CDK6: variants seen among roughly 807,000 people sequenced by gnomAD.
The protein encoded by CDK6 is cyclin dependent kinase 6.
A neutral mutation model predicts 37.1 loss-of-function variants in CDK6; 6 were observed. The observed-to-expected ratio is 0.16, with a 90% CI of 0.09 to 0.32. The LOEUF is 0.32. CDK6 is among the 10% of genes least tolerant of loss of function. The probability of loss-of-function intolerance (pLI) is 1.00; values close to 1 mark genes in which losing one functional copy is unlikely to be tolerated. For missense variants in CDK6, 224 were observed against 418.9 expected (o/e 0.53, Z 4.06); for synonymous variants, 160 against 161.3 (o/e 0.99, Z 0.06).
rs898787584 is a variant in CDK6, at chr7:92,834,630, T to C, written c.-367-940A>G. On this transcript the variant is annotated intron_variant, in intron 1 of 7. Transcript: ENST00000424848. The surrounding 1 kb of genome is among the most constrained non-coding windows in gnomAD (Gnocchi z 4.6). Reference sequence around the variant, plus strand: ...AGCATAATCGCGCCTCGTCCTTAAGTTTTAAACTGATTTCGACCTGAGCAA... The same window carrying C: ...AGCATAATCGCGCCTCGTCCTTAAGCTTTAAACTGATTTCGACCTGAGCAA... Among the ~76,000 whole-genome samples, 2 of 140,784 alleles carry C rather than the reference T, an allele frequency of 1.4e-5. No homozygotes were observed. Among genetic ancestry groups the C allele is most frequent in the African/African-American group, 2.7e-5 (1 of 37,682 alleles). 92.4% of individuals were successfully genotyped at this position (140,784 alleles called of 152,430 possible).
chr7:92,638,678 G>A (rs758022175), intron 5 of CDK6, among the ~76,000 whole-genome samples: 1 of 152,132 alleles, frequency 6.6e-6, no homozygotes, highest in Non-Finnish European at 1.5e-5. Context: ...TGGGTTCCTT[G>A]AATGCCTTGA....
rs1015411918 is a variant in CDK6, at chr7:92,726,247, T to C, written c.370-454A>G. Among the ~76,000 whole-genome samples the C allele has an allele frequency of 6.0e-4, 92 of 152,178 alleles. 1 individual carries two copies. The highest frequency in any genetic ancestry group is 2.6e-4 in the Admixed American group (4 of 15,274). On this transcript the variant is annotated intron_variant, in intron 3 of 7. Coordinates refer to ENST00000424848, the MANE Select transcript of CDK6 (RefSeq NM_001145306.2). ...AGCACCTAGTACTAAACACTCACTATATATCAAGCACTATTCTAAGCATTG... is the reference window on the plus strand; with the variant it reads ...AGCACCTAGTACTAAACACTCACTACATATCAAGCACTATTCTAAGCATTG...
intron 3 of CDK6, among the ~76,000 whole-genome samples, chr7:92,767,212 T>C (rs1192713745): frequency 1.3e-5 from 2 of 152,228 alleles, no homozygotes; most frequent in South Asian, 4.1e-4. Context: ...CTGTCCTCTT[T>C]CTCTTCTGAT....
intron 2 of CDK6, among the ~76,000 whole-genome samples, chr7:92,798,528 G>A (rs1475128966): frequency 1.3e-5 from 2 of 152,166 alleles, no homozygotes; most frequent in African/African-American, 2.4e-5. Flanking sequence ...AATTTTTATA[G>A]ATCTGCTATA....
At chr7:92,718,605 C>T (rs1798291369) in intron 4 of CDK6, among the ~76,000 whole-genome samples, 1 of 152,184 alleles carries the variant, frequency 6.6e-6, no homozygotes, top group South Asian at 2.1e-4. Context: ...CACACACACA[C>T]CCCAAGCACG....
chr7:92,698,327 C>T (rs1467202285), intron 4 of CDK6, among the ~76,000 whole-genome samples: 3 of 152,226 alleles, frequency 2.0e-5, no homozygotes, highest in African/African-American at 7.2e-5. Context: ...AGGAATGTTA[C>T]AGGGGGGCCT....
intron 4 of CDK6, among the ~76,000 whole-genome samples, chr7:92,713,547 A>G (rs1415544649): frequency 1.3e-5 from 2 of 152,022 alleles, no homozygotes; most frequent in African/African-American, 2.4e-5. Context: ...AGTGGTTATG[A>G]TTAGAATGAG....
At chr7:92,616,250 G>C (rs1795674896) in intron 7 of CDK6, among the ~76,000 whole-genome samples, 1 of 152,136 alleles carries the variant, frequency 6.6e-6, no homozygotes, top group African/African-American at 2.4e-5. Context: ...TAAGAGGTCT[G>C]CATAACCATG....
At chr7:92,749,956 TGAG>T (rs1379592873) in intron 3 of CDK6, among the ~76,000 whole-genome samples, 4 of 152,118 alleles carry the variant, frequency 2.6e-5, no homozygotes, top group Non-Finnish European at 4.4e-5. Flanking sequence ...AGGCTCTAGT[TGAG>T]GAGAATAAAA....
At chr7:92,780,458 G>C (rs1236929666) in intron 2 of CDK6, among the ~76,000 whole-genome samples, 3 of 151,904 alleles carry the variant, frequency 2.0e-5, no homozygotes, top group Admixed American at 6.6e-5. Flanking sequence ...CTGAACACTT[G>C]AATGTAAAAA....
chr7:92,680,560 T>A (rs1204114836), intron 4 of CDK6, among the ~76,000 whole-genome samples: 1 of 148,762 alleles, frequency 6.7e-6, no homozygotes, highest in African/African-American at 2.5e-5. Context: ...GGCAAAAAAA[T>A]GTCTGAGGTC....
At chr7:92,788,467 T>C (rs1016124584) in intron 2 of CDK6, among the ~76,000 whole-genome samples, 4 of 152,222 alleles carry the variant, frequency 2.6e-5, no homozygotes, top group African/African-American at 9.6e-5. Flanking sequence ...AATTAAAGTT[T>C]TAGTGGAATT....
rs1795394584 is a variant in CDK6, at chr7:92,605,008, G to C, written c.*10132C>G. 2 of 224,990 alleles carry C rather than the reference G, an allele frequency of 8.9e-6. No individual in the cohort carries two copies. Among genetic ancestry groups the C allele is most frequent in the South Asian group, 3.7e-4 (2 of 5,454 alleles). The allele number at this position is 224,990 out of a possible 1,614,324, so 13.9% of individuals were successfully genotyped here. A position where few individuals can be genotyped will look rare whatever the true frequency, so the allele number is the denominator to read the frequency against. On this transcript the variant is annotated 3_prime_UTR_variant, in exon 8 of 8. Coordinates refer to ENST00000424848, the MANE Select transcript of CDK6 (RefSeq NM_001145306.2). Reference sequence around the variant, plus strand: ...AGTAAAAAAGAAAATAGCCAGGAGAGTAATTCATCTCCAGAAAGCAGTTTA... The same window carrying C: ...AGTAAAAAAGAAAATAGCCAGGAGACTAATTCATCTCCAGAAAGCAGTTTA...
chr7:92,818,842 A>G (rs1431003803), intron 2 of CDK6, among the ~76,000 whole-genome samples: 1 of 152,050 alleles, frequency 6.6e-6, no homozygotes, highest in Admixed American at 6.6e-5. Flanking sequence ...TTAGTCATCA[A>G]GTAAATGCAA....
chr7:92,723,693 T>A (rs1342225201), intron 4 of CDK6, among the ~76,000 whole-genome samples: 3 of 152,178 alleles, frequency 2.0e-5, no homozygotes, highest in African/African-American at 7.2e-5. Flanking sequence ...ATTTTTGTTT[T>A]AGAATCCTTC....
chr7:92,696,641 A>T (rs1797724300), intron 4 of CDK6, among the ~76,000 whole-genome samples: 1 of 152,192 alleles, frequency 6.6e-6, no homozygotes, highest in Admixed American at 6.5e-5. Context: ...AACTGGTTCG[A>T]TATGTCAGGG....
intron 4 of CDK6, among the ~76,000 whole-genome samples, chr7:92,702,533 T>C (rs1048324567): frequency 1.3e-5 from 2 of 152,126 alleles, no homozygotes; most frequent in African/African-American, 4.8e-5. Context: ...ATGGTCAGCC[T>C]CAAATATATT....
At chr7:92,642,367 T>C (rs969176489) in intron 5 of CDK6, among the ~76,000 whole-genome samples, 1 of 152,172 alleles carries the variant, frequency 6.6e-6, no homozygotes, top group African/African-American at 2.4e-5. Context: ...TGATTAGTCA[T>C]CACTTCACTA....
chr7:92,799,394 G>C (rs1297251887), intron 2 of CDK6, among the ~76,000 whole-genome samples: 2 of 152,072 alleles, frequency 1.3e-5, no homozygotes, highest in African/African-American at 4.8e-5. Context: ...GCTTCCCTGA[G>C]AGTTTTCTTT....
Sources: allele counts gnomAD v4.1 joint callset (sites outside exome capture counted in the v4.1 genomes callset), GRCh38; gene constraint gnomAD v4.1.1; non-coding constraint Gnocchi (gnomAD v3.1); transcripts MANE v1.5; gene names NCBI Gene and HGNC (gene_info 2026-07-23, HGNC 2026-07-21).